The following FSBP variants were observed in gnomAD, a reference collection of about 807,000 sequenced individuals.
FSBP encodes the protein fibrinogen silencer-binding protein.
FSBP carries 18 observed loss-of-function variants against 24.6 expected under a neutral mutation model. The observed-to-expected ratio is 0.73, with a 90% CI of 0.51 to 1.08. The LOEUF is 1.08. Ranked by LOEUF, FSBP falls within the 50% of genes least tolerant of loss-of-function variation. FSBP has a pLI of 0.00. For synonymous variants in FSBP, 110 were observed against 125.8 expected, an observed-to-expected ratio of 0.87 and a Z score of 0.84; for missense variants, 305 against 347.6, an observed-to-expected ratio of 0.88 and a Z score of 0.98.
rs536029844 is a variant in FSBP, at chr8:94,431,548, A to G, written c.*583T>C. The G allele has an allele frequency of 1.0e-6, 1 of 963,264 alleles. No homozygotes were observed. The allele number at this position is 963,264 out of a possible 1,614,324, so 59.7% of individuals were successfully genotyped here. On this transcript the variant is annotated 3_prime_UTR_variant, in exon 2 of 2. Coordinates refer to ENST00000481490, the MANE Select transcript of FSBP (RefSeq NM_001256141.2). Reference sequence around the variant, plus strand: ...ACTAAGTGCTGGTCTCTGCTCTGCCATAAATAGCTTTGTTACCCTAAGTAA... The same window carrying G: ...ACTAAGTGCTGGTCTCTGCTCTGCCGTAAATAGCTTTGTTACCCTAAGTAA...
Position 94,432,198 on chromosome 8 carries a change from T to C in FSBP, c.833A>G (p.Lys278Arg), listed in dbSNP as rs1015554318. The C allele has an allele frequency of 1.3e-6, 2 of 1,550,264 alleles. No individual in the cohort carries two copies. The highest frequency in any genetic ancestry group is 2.7e-5 in the African/African-American group (2 of 73,030). Residue 278 changes from lysine to arginine, a missense_variant, in exon 2 of 2, where the codon AAA becomes AGA. Coordinates refer to ENST00000481490, the MANE Select transcript of FSBP (RefSeq NM_001256141.2). ...QQLEEELLRA[K>R]IEVEKLKAIR... The stretch of plus-strand genomic sequence containing the variant: ...TGCTTTCAGCTTCTCCACTTCAATT[T>C]TTGCTCTTAGTAGCTCTTCCTCTAG...
At chr8:94,434,892 T>G (rs2930963) in intron 1 of FSBP, among the ~76,000 whole-genome samples, 36,523 of 150,872 alleles carry the variant, frequency 0.24, 5,505 homozygotes, top group East Asian at 0.43. Context: ...AAAAGATTTT[T>G]TGTGTGTGAA....
intron 1 of FSBP, among the ~76,000 whole-genome samples, chr8:94,433,464 T>G (rs1812170687): frequency 6.6e-6 from 1 of 152,016 alleles, no homozygotes; most frequent in South Asian, 2.1e-4. Flanking sequence ...ACTAAATGAT[T>G]TTTTAATGAA....
chr8:94,431,952 C>A lies in FSBP; in HGVS notation c.*179G>T, dbSNP rs1812107427. On this transcript the variant is annotated 3_prime_UTR_variant, in exon 2 of 2. Coordinates refer to ENST00000481490, the MANE Select transcript of FSBP (RefSeq NM_001256141.2). Reference sequence around the variant, plus strand: ...ACAATAAAAACTATAACCATGCCAACCAACCAGTAAATTTTAATATCTCAA... The same window carrying A: ...ACAATAAAAACTATAACCATGCCAAACAACCAGTAAATTTTAATATCTCAA... The A allele has an allele frequency of 1.6e-6, 2 of 1,277,762 alleles. No homozygotes were observed. The highest frequency in any genetic ancestry group is 3.7e-5 in the Admixed American group (1 of 27,232). The allele number at this position is 1,277,762 out of a possible 1,614,324, so 79.2% of individuals were successfully genotyped here. A position where few individuals can be genotyped will look rare whatever the true frequency, so the allele number is the denominator to read the frequency against.
At position 94,430,737 on chromosome 8, in the gene FSBP, T is replaced by A. The variant is rs1395548263; in HGVS notation, c.*1394A>T. The A allele has an allele frequency of 1.0e-6, 1 of 968,964 alleles. No individual in the cohort carries two copies. The highest frequency in any genetic ancestry group is 1.8e-5 in the African/African-American group (1 of 56,832). The allele number at this position is 968,964 out of a possible 1,614,324, so 60.0% of individuals were successfully genotyped here. ...AAGCATTTTGTGTTATTTGCAAACA[T>A]TTTAAAATTGGAAGATTCCTCATTA... On this transcript the variant is annotated 3_prime_UTR_variant, in exon 2 of 2. Coordinates refer to ENST00000481490, the MANE Select transcript of FSBP (RefSeq NM_001256141.2).
chr8:94,434,770 G>A (rs1259998194), intron 1 of FSBP, among the ~76,000 whole-genome samples: 1 of 151,408 alleles, frequency 6.6e-6, no homozygotes, highest in African/African-American at 2.4e-5. Context: ...GAATTTAAAA[G>A]GCATGTTTCT....
intron 1 of FSBP, among the ~76,000 whole-genome samples, chr8:94,436,236 C>T (rs1460369686): frequency 6.6e-6 from 1 of 152,028 alleles, no homozygotes; most frequent in Non-Finnish European, 1.5e-5. Context: ...AAATTTCAAC[C>T]CACTTATTCC....
rs1812016421 is a variant in FSBP, at chr8:94,429,043, A to C, written c.*3088T>G. 1.0e-6 allele frequency: 1 copy of C among 984,948 alleles called. No homozygotes were observed. Among genetic ancestry groups the C allele is most frequent in the Non-Finnish European group, 1.2e-6 (1 of 829,588 alleles). The allele number at this position is 984,948 out of a possible 1,614,324, so 61.0% of individuals were successfully genotyped here. A position where few individuals can be genotyped will look rare whatever the true frequency, so the allele number is the denominator to read the frequency against. On this transcript the variant is annotated 3_prime_UTR_variant, in exon 2 of 2. Coordinates refer to ENST00000481490, the MANE Select transcript of FSBP (RefSeq NM_001256141.2). The stretch of plus-strand genomic sequence containing the variant: ...AATGAGGAGAATTATATGCATTTAA[A>C]CTTTTGCAAATTAAAAGTAAACAAG...
Position 94,430,365 on chromosome 8 carries a change from T to C in FSBP, c.*1766A>G, listed in dbSNP as rs1025675392. The C allele has an allele frequency of 1.7e-5, 17 of 981,556 alleles. No homozygotes were observed. In the African/African-American group the frequency reaches 2.3e-4, roughly 13 times the overall value. 60.8% of individuals were successfully genotyped at this position (981,556 alleles called of 1,614,324 possible). ...ATTCATAATCTGGTATCAACCATCA[T>C]CCAAATTTATATCCCTCAGTTCACT... On this transcript the variant is annotated 3_prime_UTR_variant, in exon 2 of 2. Transcript: ENST00000481490.
At position 94,429,911 on chromosome 8, in the gene FSBP, A is replaced by G; in HGVS notation, c.*2220T>C. On this transcript the variant is annotated 3_prime_UTR_variant, in exon 2 of 2. Transcript: ENST00000481490. ...TTCTGATTTAAGTTCTTCCAATACA[A>G]TGCCTGTCCCTAAATGCCACTCCTC... The G allele has an allele frequency of 1.0e-6, 1 of 985,352 alleles. No individual in the cohort carries two copies. The highest frequency in any genetic ancestry group is 1.2e-6 in the Non-Finnish European group (1 of 829,904). The allele number at this position is 985,352 out of a possible 1,614,324, so 61.0% of individuals were successfully genotyped here. A position where few individuals can be genotyped will look rare whatever the true frequency, so the allele number is the denominator to read the frequency against.
intron 1 of FSBP, among the ~76,000 whole-genome samples, chr8:94,433,801 T>G (rs1265159695): frequency 6.6e-6 from 1 of 151,760 alleles, no homozygotes; most frequent in Non-Finnish European, 1.5e-5. Flanking sequence ...TAATATTATT[T>G]AGAGAAGATT....
Position 94,429,201 on chromosome 8 carries a change from GT to G in FSBP, c.*2929del, listed in dbSNP as rs1235372338. On this transcript the variant is annotated 3_prime_UTR_variant, in exon 2 of 2. Transcript: ENST00000481490. ...CAGCCCCTAAATGCTAATGAATTGT[GT>G]CACCTAACACACTAAAGAAAAAGCA... 1.3e-6 allele frequency: 1 copy of G among 750,206 alleles called. No individual in the cohort carries two copies. The highest frequency in any genetic ancestry group is 1.3e-4 in the East Asian group (1 of 7,674). The allele number at this position is 750,206 out of a possible 1,614,324, so 46.5% of individuals were successfully genotyped here.
chr8:94,430,972 T>C lies in FSBP; in HGVS notation c.*1159A>G, dbSNP rs183040785. ...CTTTTTCCCATTCTTTTGTCTTTTT[T>C]CCAGCGTCTCACTCTTGACTTCAAA... On this transcript the variant is annotated 3_prime_UTR_variant, in exon 2 of 2. Coordinates refer to ENST00000481490, the MANE Select transcript of FSBP (RefSeq NM_001256141.2). 2.0e-6 allele frequency: 2 copies of C among 985,398 alleles called. No individual in the cohort carries two copies. Among genetic ancestry groups the C allele is most frequent in the East Asian group, 2.3e-4 (2 of 8,818 alleles). 61.0% of individuals were successfully genotyped at this position (985,398 alleles called of 1,614,324 possible).
intron 1 of FSBP, among the ~76,000 whole-genome samples, chr8:94,435,781 A>C (rs1426629759): frequency 6.6e-6 from 1 of 152,088 alleles, no homozygotes; most frequent in African/African-American, 2.4e-5. Context: ...AGTAAGAGAA[A>C]GCTTACTCTT....
In FSBP at chr8:94,432,041, C is replaced by T. The variant is rs1360271327; in HGVS notation, c.*90G>A. On this transcript the variant is annotated 3_prime_UTR_variant, in exon 2 of 2. Coordinates refer to ENST00000481490, the MANE Select transcript of FSBP (RefSeq NM_001256141.2). ...CATAATAGAGATTAACAACATTTTT[C>T]AAGAACGTGTATTCTGTTTCAGGAT... 2 of 1,398,224 alleles carry T rather than the reference C, an allele frequency of 1.4e-6. No homozygotes were observed. Among genetic ancestry groups the T allele is most frequent in the African/African-American group, 1.5e-5 (1 of 68,844 alleles). 86.6% of individuals were successfully genotyped at this position (1,398,224 alleles called of 1,614,324 possible). A position where few individuals can be genotyped will look rare whatever the true frequency, so the allele number is the denominator to read the frequency against.
rs1812071051 is a variant in FSBP at position 94,430,712 on chromosome 8, A to T, written c.*1419T>A. On this transcript the variant is annotated 3_prime_UTR_variant, in exon 2 of 2. Coordinates refer to ENST00000481490, the MANE Select transcript of FSBP (RefSeq NM_001256141.2). ...ACATGTTGTCTGTATAATGTTTTAA[A>T]AGCATTTTGTGTTATTTGCAAACAT... 8.6e-6 allele frequency: 8 copies of T among 935,544 alleles called. 1 individual carries two copies. In the South Asian group the frequency reaches 3.5e-4, roughly 40 times the overall value. 58.0% of individuals were successfully genotyped at this position (935,544 alleles called of 1,614,324 possible).
chr8:94,430,562 G>T lies in FSBP; in HGVS notation c.*1569C>A. 2.9e-6 allele frequency: 2 copies of T among 693,608 alleles called. No homozygotes were observed. The highest frequency in any genetic ancestry group is 3.5e-6 in the Non-Finnish European group (2 of 564,398). 43.0% of individuals were successfully genotyped at this position (693,608 alleles called of 1,614,324 possible). On this transcript the variant is annotated 3_prime_UTR_variant, in exon 2 of 2. Coordinates refer to ENST00000481490, the MANE Select transcript of FSBP (RefSeq NM_001256141.2). Reference sequence around the variant, plus strand: ...AGGGTTTCTAATTCACTTGGAAATGGATTTACATTTCTAACAAGTTCTCAA... The same window carrying T: ...AGGGTTTCTAATTCACTTGGAAATGTATTTACATTTCTAACAAGTTCTCAA...
In FSBP at chr8:94,427,928, C is replaced by A; in HGVS notation, c.*4203G>T. 1.1e-6 allele frequency: 1 copy of A among 897,470 alleles called. No homozygotes were observed. The highest frequency in any genetic ancestry group is 1.3e-6 in the Non-Finnish European group (1 of 763,438). The allele number at this position is 897,470 out of a possible 1,614,324, so 55.6% of individuals were successfully genotyped here. A position where few individuals can be genotyped will look rare whatever the true frequency, so the allele number is the denominator to read the frequency against. Reference sequence around the variant, plus strand: ...AAAGATAGAACAGGGTAGAATGACTCCTTAAAAAAAAAAATGAAATAACAC... The same window carrying A: ...AAAGATAGAACAGGGTAGAATGACTACTTAAAAAAAAAAATGAAATAACAC... On this transcript the variant is annotated 3_prime_UTR_variant, in exon 2 of 2. Coordinates refer to ENST00000481490, the MANE Select transcript of FSBP (RefSeq NM_001256141.2).
chr8:94,430,174 A>G lies in FSBP; in HGVS notation c.*1957T>C, dbSNP rs1341500450. On this transcript the variant is annotated 3_prime_UTR_variant, in exon 2 of 2. Transcript: ENST00000481490. ...TAAAAACACAAAAAATTAGCCAGGC[A>G]TGGTGGTGCGCCTGTAGTCCCAGCT... 2 of 602,132 alleles carry G rather than the reference A, an allele frequency of 3.3e-6. No individual in the cohort carries two copies. Among genetic ancestry groups the G allele is most frequent in the African/African-American group, 4.0e-5 (2 of 49,528 alleles). The allele number at this position is 602,132 out of a possible 1,614,324, so 37.3% of individuals were successfully genotyped here.
Sources: allele counts gnomAD v4.1 joint callset (sites outside exome capture counted in the v4.1 genomes callset), GRCh38; gene constraint gnomAD v4.1.1; transcripts MANE v1.5; gene names NCBI Gene and HGNC (gene_info 2026-07-23, HGNC 2026-07-21).